The following TYW3 variants were observed in gnomAD, a reference collection of about 807,000 sequenced individuals.
TYW3 encodes tRNA-yW synthesizing protein 3 homolog, also known as tRNA wybutosine-synthesizing protein 3 homolog.
Under a neutral mutation model 23.1 loss-of-function variants are expected in TYW3, and 26 were observed. The observed-to-expected ratio is 1.13, with a 90% confidence interval of 0.83 to 1.56. The LOEUF (loss-of-function observed/expected upper bound fraction) is 1.56, where lower values mean the gene tolerates loss of function less well. Ranked by LOEUF, TYW3 falls within the 40% of genes most tolerant of loss-of-function variation. The probability of loss-of-function intolerance (pLI) is 0.00; values close to 1 mark genes in which losing one functional copy is unlikely to be tolerated. For synonymous variants in TYW3, 102 were observed against 105.7 expected, an observed-to-expected ratio of 0.97 and a Z score of 0.21; for missense variants, 316 against 311.9, an observed-to-expected ratio of 1.01 and a Z score of -0.10.
chr1:74,741,975 T>C (rs72970049), intron 3 of TYW3, among the ~76,000 whole-genome samples: 7,223 of 152,286 alleles, frequency 0.047, 326 homozygotes, highest in African/African-American at 0.12. Flanking sequence ...AGCCAGATCA[T>C]TGTTGCTCTG....
rs747758023 is a variant in TYW3 at position 74,733,328 on chromosome 1, G to A, written c.84G>A (p.Glu28=). 17 of 1,614,212 alleles carry A rather than the reference G, an allele frequency of 1.1e-5. No individual in the cohort carries two copies. The highest frequency in any genetic ancestry group is 1.6e-4 in the Middle Eastern group (1 of 6,062). Residue 28 remains glutamate (E), a synonymous_variant, in exon 1 of 6, where the codon GAG becomes GAA. Coordinates refer to ENST00000370867, the MANE Select transcript of TYW3 (RefSeq NM_138467.3). ...ADLSRKGSVD[E]DVVELVQFLN... ...TCAGCCGGAAGGGCAGTGTTGACGA[G>A]GATGTGGTAGAGCTTGTGCAGTTTC...
At chr1:74,739,037 T>G (rs568722181) in intron 3 of TYW3, among the ~76,000 whole-genome samples, 2 of 152,322 alleles carry the variant, frequency 1.3e-5, no homozygotes, top group Non-Finnish European at 2.9e-5. Flanking sequence ...TTTATAAATT[T>G]TACTTCAGCA....
intron 3 of TYW3, among the ~76,000 whole-genome samples, chr1:74,744,021 A>G (rs1484571347): frequency 1.3e-5 from 2 of 152,166 alleles, no homozygotes; most frequent in Non-Finnish European, 2.9e-5. Flanking sequence ...CCCTCCCGCT[A>G]CAGCTTGAAG....
intron 3 of TYW3, among the ~76,000 whole-genome samples, chr1:74,742,555 C>A (rs1210657328): frequency 1.3e-5 from 2 of 152,168 alleles, no homozygotes; most frequent in African/African-American, 4.8e-5. Flanking sequence ...ATGGGATGTT[C>A]TGCCTGGCAG....
At chr1:74,733,475 C>T in intron 1 of TYW3, 57 bp downstream of exon 1, 1 of 1,592,488 alleles carries the variant, frequency 6.3e-7, no homozygotes, top group Admixed American at 1.7e-5. Context: ...CTTCAGGAGC[C>T]CTGTTCCCAT....
intron 5 of TYW3, among the ~76,000 whole-genome samples, chr1:74,762,030 C>CA (rs1477098763): frequency 2.0e-5 from 3 of 152,068 alleles, no homozygotes; most frequent in Non-Finnish European, 4.4e-5. Flanking sequence ...TCACGCATCT[C>CA]AGTCTTTTTA....
chr1:74,748,547 C>CATTGAA (rs1303134353), intron 3 of TYW3: 38 of 535,752 alleles, frequency 7.1e-5, no homozygotes, highest in Non-Finnish European at 9.9e-6. Flanking sequence ...ATGACACATC[C>CATTGAA]ATAGTTCATA....
intron 5 of TYW3, among the ~76,000 whole-genome samples, chr1:74,763,403 A>G (rs1216355759): frequency 6.6e-6 from 1 of 152,158 alleles, no homozygotes; most frequent in East Asian, 1.9e-4. Flanking sequence ...AACTTTGAAA[A>G]AACAATGTAA....
At chr1:74,750,800 C>CTTTTTTTTTT (rs34468239) in intron 4 of TYW3, among the ~76,000 whole-genome samples, 6 of 67,678 alleles carry the variant, frequency 8.9e-5, no homozygotes, top group African/African-American at 1.1e-4. Context: ...TCCCCCGCTC[C>CTTTTTTTTTT]TTTTTTTTTT....
chr1:74,738,534 A>G (rs1019633386), intron 2 of TYW3, among the ~76,000 whole-genome samples, 156 bp from the exon 3 acceptor site: 5 of 152,230 alleles, frequency 3.3e-5, no homozygotes, highest in Non-Finnish European at 7.3e-5. Context: ...TTTTTGGTGA[A>G]AAAGGACCAA....
rs1226270111 is a variant in TYW3, at chr1:74,763,205, G to T, written c.561-689G>T. ...ACAAGCAGTATTTATCAAGAGCCTTGTAATGTTTATGCCTTTTAACGATGT... is the reference window on the plus strand; with the variant it reads ...ACAAGCAGTATTTATCAAGAGCCTTTTAATGTTTATGCCTTTTAACGATGT... On this transcript the variant is annotated intron_variant, in intron 5 of 5. Coordinates refer to ENST00000370867, the MANE Select transcript of TYW3 (RefSeq NM_138467.3). Among the ~76,000 whole-genome samples the T allele has an allele frequency of 5.9e-5, 9 of 152,156 alleles. No individual in the cohort carries two copies. The East Asian group carries it at 1.7e-3, about 29-fold the overall frequency.
chr1:74,747,645 AAAAAAG>A (rs1314595289), intron 3 of TYW3, among the ~76,000 whole-genome samples: 3 of 151,436 alleles, frequency 2.0e-5, no homozygotes, highest in Non-Finnish European at 2.9e-5. Flanking sequence ...TCAAAAAAAA[AAAAAAG>A]AAAAAGAAAA....
chr1:74,740,510 A>C (rs1453853014), intron 3 of TYW3, among the ~76,000 whole-genome samples: 1 of 152,234 alleles, frequency 6.6e-6, no homozygotes, highest in African/African-American at 2.4e-5. Context: ...CCCCACCCAC[A>C]TCCTGCTGAT....
intron 3 of TYW3, among the ~76,000 whole-genome samples, chr1:74,746,966 A>G (rs999987959): frequency 6.6e-6 from 1 of 152,258 alleles, no homozygotes; most frequent in Non-Finnish European, 1.5e-5. Flanking sequence ...GATGCAGGAA[A>G]GGGTTTGGAG....
intron 5 of TYW3, among the ~76,000 whole-genome samples, chr1:74,760,997 G>A (rs1451342330): frequency 6.6e-6 from 1 of 151,880 alleles, no homozygotes; most frequent in Non-Finnish European, 1.5e-5. Flanking sequence ...TGACTGCAGA[G>A]GCAGAAAAAC....
intron 3 of TYW3, among the ~76,000 whole-genome samples, chr1:74,745,072 G>A (rs1213691541): frequency 6.6e-6 from 1 of 151,926 alleles, no homozygotes; most frequent in African/African-American, 2.4e-5. Context: ...ACAGGCCTTC[G>A]CAGTGTGTTA....
chr1:74,745,284 A>G (rs1648518809), intron 3 of TYW3, among the ~76,000 whole-genome samples: 1 of 152,212 alleles, frequency 6.6e-6, no homozygotes, highest in African/African-American at 2.4e-5. Flanking sequence ...AGGGGACCTG[A>G]GCAGGTTGCC....
In TYW3 at chr1:74,750,455, T is replaced by C. The variant is rs182060581; in HGVS notation, c.426+1633T>C. On this transcript the variant is annotated intron_variant, in intron 4 of 5. Transcript: ENST00000370867. ...GGCATGTGCCTGTAATTACAGCTAC[T>C]TGGGAGGCTGAGGCAGGAGAATTGC... Among the ~76,000 whole-genome samples the C allele has an allele frequency of 2.0e-3, 300 of 152,118 alleles. 2 individuals carry two copies. Among genetic ancestry groups the C allele is most frequent in the African/African-American group, 6.9e-3 (286 of 41,490 alleles).
rs373585736 is a variant in TYW3 at position 74,752,439 on chromosome 1, G to C, written c.560+14G>C. ...AAGAATTGAGAGGTATATTAATTGG[G>C]TATTTCCATGTTATTCTTATATGCC... On this transcript the variant is annotated intron_variant, in intron 5 of 5. Transcript: ENST00000370867. 21 of 1,607,868 alleles carry C rather than the reference G, an allele frequency of 1.3e-5. No homozygotes were observed. The African/African-American group carries it at 2.4e-4, about 18-fold the overall frequency.
Sources: allele counts gnomAD v4.1 joint callset (sites outside exome capture counted in the v4.1 genomes callset), GRCh38; gene constraint gnomAD v4.1.1; transcripts MANE v1.5; gene names NCBI Gene and HGNC (gene_info 2026-07-23, HGNC 2026-07-21).